Variants in LINGO2 observed in about 807,000 individuals in gnomAD.
The protein encoded by LINGO2 is leucine rich repeat and Ig domain containing 2, also known as leucine-rich repeat and immunoglobulin-like domain-containing nogo receptor-interacting protein 2.
LINGO2 carries 14 observed loss-of-function variants against 30.6 expected under a neutral mutation model. The ratio of observed to expected loss-of-function variants is 0.46; its 90% CI spans 0.30 to 0.72. The LOEUF (loss-of-function observed/expected upper bound fraction) is 0.72, where lower values mean the gene tolerates loss of function less well. Among genes scored for constraint, LINGO2 ranks in the 30% least tolerant of loss-of-function variants. LINGO2 has a pLI of 0.07. For synonymous variants in LINGO2, 317 were observed against 288.5 expected, an observed-to-expected ratio of 1.10 and a Z score of -1.00; for missense variants, 729 against 751.7, an observed-to-expected ratio of 0.97 and a Z score of 0.35.
chr9:28,579,331 G>A (rs1209946824), intron 1 of LINGO2, among the ~76,000 whole-genome samples: 1 of 152,012 alleles, frequency 6.6e-6, no homozygotes, highest in East Asian at 1.9e-4. Context: ...CCTTTCTGAG[G>A]GAGGGGTAAT....
At chr9:28,790,321 C>CTTTT in the LINGO2 span, among the ~76,000 whole-genome samples, 6 of 116,286 alleles carry the variant, frequency 5.2e-5, no homozygotes, top group Non-Finnish European at 1.1e-4. Flanking sequence ...CTTTTCTTTT[C>CTTTT]TTTCTTTTTT....
chr9:28,017,677 T>G lies in LINGO2; in HGVS notation c.-86-5272A>C, dbSNP rs181162634. On this transcript the variant is annotated intron_variant, in intron 4 of 5. Transcript: ENST00000379992. ...AGGGAGGTTGAAAGATCTCTACAAA[T>G]GAGAATTTCAAAACACTGCTTAAAG... Among the ~76,000 whole-genome samples, 7 of 152,096 alleles carry G rather than the reference T, an allele frequency of 4.6e-5. No homozygotes were observed. In the East Asian group the frequency reaches 1.4e-3, roughly 29 times the overall value.
At chr9:28,018,139 C>T (rs780021036) in intron 4 of LINGO2, among the ~76,000 whole-genome samples, 17 of 152,156 alleles carry the variant, frequency 1.1e-4, no homozygotes, top group South Asian at 2.1e-4. Flanking sequence ...TGGTGCTGGG[C>T]TGACTGGCTA....
rs186489823 is a variant in LINGO2 at position 28,414,820 on chromosome 9, A to C, written c.-278-41952T>G. On this transcript the variant is annotated intron_variant, in intron 2 of 5. Coordinates refer to ENST00000379992, the Ensembl canonical transcript of LINGO2. ...TTACAGAAAGTGATGGTTTTGTACA[A>C]ATAATATATCCTCAGGAGATCATTC... Among the ~76,000 whole-genome samples, 39 of 152,236 alleles carry C rather than the reference A, an allele frequency of 2.6e-4. 1 individual carries two copies. The East Asian group carries it at 4.2e-3, about 17-fold the overall frequency.
chr9:29,071,120 A>T, the LINGO2 span, among the ~76,000 whole-genome samples: 1 of 150,354 alleles, frequency 6.7e-6, no homozygotes, highest in Non-Finnish European at 1.5e-5. Flanking sequence ...TTAAATATGT[A>T]TGATATGCAC....
At chr9:28,266,080 A>C (rs1261016806) in intron 4 of LINGO2, among the ~76,000 whole-genome samples, 1 of 152,036 alleles carries the variant, frequency 6.6e-6, no homozygotes, top group African/African-American at 2.4e-5. Context: ...AAAAACATTT[A>C]AACTAAGTAT....
At chr9:28,760,733 T>C in the LINGO2 span, among the ~76,000 whole-genome samples, 1 of 151,866 alleles carries the variant, frequency 6.6e-6, no homozygotes, top group African/African-American at 2.4e-5. Flanking sequence ...GCTCCCACTT[T>C]ATCAGTGAGA....
chr9:28,740,138 A>G, the LINGO2 span, among the ~76,000 whole-genome samples: 4 of 150,908 alleles, frequency 2.7e-5, no homozygotes, highest in East Asian at 1.9e-4. Context: ...AAATTATTAA[A>G]TAAGAATTTC....
chr9:29,068,837 A>T, the LINGO2 span, among the ~76,000 whole-genome samples: 1 of 152,092 alleles, frequency 6.6e-6, no homozygotes, highest in East Asian at 1.9e-4. Context: ...ATCTGGCCTC[A>T]TTATAACTTA....
At chr9:29,046,533 C>T in the LINGO2 span, among the ~76,000 whole-genome samples, 1 of 152,044 alleles carries the variant, frequency 6.6e-6, no homozygotes, top group Non-Finnish European at 1.5e-5. Flanking sequence ...GGATAACTGC[C>T]TAGCCATATG....
At chr9:28,962,257 A>G in the LINGO2 span, among the ~76,000 whole-genome samples, 1 of 152,112 alleles carries the variant, frequency 6.6e-6, no homozygotes, top group African/African-American at 2.4e-5. Flanking sequence ...TGATAACCTT[A>G]GGAAGTTGGT....
At chr9:29,036,546 C>A in the LINGO2 span, among the ~76,000 whole-genome samples, 1,143 of 152,106 alleles carry the variant, frequency 7.5e-3, 11 homozygotes, top group Non-Finnish European at 0.013. Flanking sequence ...TGCTGTAATA[C>A]TAGCCAGAAA....
intron 4 of LINGO2, among the ~76,000 whole-genome samples, chr9:28,127,611 G>A (rs1827274409): frequency 6.6e-6 from 1 of 152,178 alleles, no homozygotes; most frequent in African/African-American, 2.4e-5. Flanking sequence ...CCTATGAATA[G>A]GGAATGCAAG....
intron 1 of LINGO2, among the ~76,000 whole-genome samples, chr9:28,525,543 T>C (rs903810842): frequency 6.6e-6 from 1 of 152,164 alleles, no homozygotes; most frequent in African/African-American, 2.4e-5. Flanking sequence ...AACATTATGC[T>C]AAGTAAAAGA....
At chr9:29,137,099 T>G in the LINGO2 span, among the ~76,000 whole-genome samples, 1 of 152,178 alleles carries the variant, frequency 6.6e-6, no homozygotes, top group Admixed American at 6.6e-5. Flanking sequence ...CCTCAATTTC[T>G]ACTGTCTGAA....
intron 1 of LINGO2, among the ~76,000 whole-genome samples, chr9:28,513,720 G>A (rs1350830694): frequency 3.3e-5 from 5 of 152,230 alleles, no homozygotes; most frequent in Admixed American, 3.3e-4. Flanking sequence ...TCTTCTTTGT[G>A]TGTATGTTCT....
At chr9:28,052,316 C>G (rs10812731) in intron 4 of LINGO2, among the ~76,000 whole-genome samples, 59,348 of 151,902 alleles carry the variant, frequency 0.39, 12,964 homozygotes, top group African/African-American at 0.59. Context: ...ACAGCAATTA[C>G]AAGTAATGAC....
At chr9:28,119,871 C>T (rs186555432) in intron 4 of LINGO2, among the ~76,000 whole-genome samples, 1 of 152,288 alleles carries the variant, frequency 6.6e-6, no homozygotes, top group Non-Finnish European at 1.5e-5. Flanking sequence ...AAACACCCTT[C>T]AAGATTTCAA....
At chr9:28,332,650 G>A (rs1825463899) in intron 3 of LINGO2, among the ~76,000 whole-genome samples, 1 of 151,888 alleles carries the variant, frequency 6.6e-6, no homozygotes, top group South Asian at 2.1e-4. Flanking sequence ...GACAGAGATG[G>A]GCTCTTATAA....
Sources: allele counts gnomAD v4.1 joint callset (sites outside exome capture counted in the v4.1 genomes callset), GRCh38; gene constraint gnomAD v4.1.1; transcripts MANE v1.5; gene names NCBI Gene and HGNC (gene_info 2026-07-23, HGNC 2026-07-21).